Variants in AGPAT4 observed in about 807,000 individuals in gnomAD.
AGPAT4 encodes 1-acyl-sn-glycerol-3-phosphate acyltransferase delta.
AGPAT4 carries 15 observed loss-of-function variants against 48.0 expected under a neutral mutation model. The ratio of observed to expected loss-of-function variants is 0.31; its 90% CI spans 0.21 to 0.48. The LOEUF (loss-of-function observed/expected upper bound fraction) is 0.48. Among genes scored for constraint, AGPAT4 ranks in the 20% least tolerant of loss-of-function variants. AGPAT4 has a pLI of 0.99. For missense variants in AGPAT4, 314 were observed against 482.5 expected, an observed-to-expected ratio of 0.65 and a Z score of 3.27; for synonymous variants, 178 against 198.7, an observed-to-expected ratio of 0.90 and a Z score of 0.88.
rs148889876 is a variant in AGPAT4 at position 161,155,740 on chromosome 6, G to A, written c.349-1430C>T. Among the ~76,000 whole-genome samples the A allele has an allele frequency of 3.6e-3, 553 of 152,336 alleles. 2 individuals are homozygous for A. The highest frequency in any genetic ancestry group is 0.012 in the African/African-American group (517 of 41,582). Reference sequence around the variant, plus strand: ...TCCAGGGGACTCCGGGAACATCCCCGTGGGTGGGTGAACCCACTGGTGCGG... The same window carrying A: ...TCCAGGGGACTCCGGGAACATCCCCATGGGTGGGTGAACCCACTGGTGCGG... On this transcript the variant is annotated intron_variant, in intron 3 of 8. Coordinates refer to ENST00000320285, the MANE Select transcript of AGPAT4 (RefSeq NM_020133.3). This position sits in a 1 kb window ranked among gnomAD's most constrained non-coding sequence, Gnocchi z 5.8.
intron 2 of AGPAT4, among the ~76,000 whole-genome samples, chr6:161,173,267 A>G (rs1475562282): frequency 1.3e-5 from 2 of 152,222 alleles, no homozygotes; most frequent in African/African-American, 2.4e-5. Context: ...TCAACAGTGT[A>G]AAAGTGTTCC....
intron 2 of AGPAT4, among the ~76,000 whole-genome samples, chr6:161,207,594 C>T (rs955231940): frequency 2.6e-5 from 4 of 152,206 alleles, no homozygotes; most frequent in Admixed American, 2.0e-4. Flanking sequence ...CCAACAAGCT[C>T]CACTTCCAGT....
At position 161,261,672 on chromosome 6, in the gene AGPAT4, A is replaced by G. The variant is rs1400379641; in HGVS notation, c.-90+12266T>C. On this transcript the variant is annotated intron_variant, in intron 1 of 8. Transcript: ENST00000320285. This position sits in a 1 kb window ranked among gnomAD's most constrained non-coding sequence, Gnocchi z 5.3. ...GTAGTGTTTGTAAGCTACATTTGACATGGGACAAGTCAGTAATTGAGCTCT... is the reference window on the plus strand; with the variant it reads ...GTAGTGTTTGTAAGCTACATTTGACGTGGGACAAGTCAGTAATTGAGCTCT... Among the ~76,000 whole-genome samples the G allele has an allele frequency of 6.6e-6, 1 of 152,244 alleles. No homozygotes were observed. The highest frequency in any genetic ancestry group is 1.9e-4 in the East Asian group (1 of 5,198).
chr6:161,146,582 T>C lies in AGPAT4; in HGVS notation c.785A>G (p.Asp262Gly). The stretch of plus-strand genomic sequence containing the variant: ...GCACTCGTCATCGTCTTCAGGGATG[T>C]CTTCCAGTGGGATCCTCCTGCAAAG... Reference protein sequence around the residue: ...DLYVRRIPLEDIPEDDDECSA... With the variant: ...DLYVRRIPLEGIPEDDDECSA... Residue 262 changes from aspartate to glycine, a missense_variant, in exon 7 of 9, where the codon GAC becomes GGC. Asp to Gly is a moderately conservative substitution (Grantham distance 94). Coordinates refer to ENST00000320285, the MANE Select transcript of AGPAT4 (RefSeq NM_020133.3). This position sits in a 1 kb window ranked among gnomAD's most constrained non-coding sequence, Gnocchi z 7.1. The C allele has an allele frequency of 6.2e-7, 1 of 1,614,118 alleles. No homozygotes were observed. Among genetic ancestry groups the C allele is most frequent in the South Asian group, 1.1e-5 (1 of 91,082 alleles).
At chr6:161,263,364 A>G (rs1468048060) in intron 1 of AGPAT4, among the ~76,000 whole-genome samples, 1 of 152,092 alleles carries the variant, frequency 6.6e-6, no homozygotes, top group Admixed American at 6.6e-5. Context: ...GGTGGCGGGC[A>G]CCTGTAATCC....
At chr6:161,193,301 T>C (rs1306452354) in intron 2 of AGPAT4, among the ~76,000 whole-genome samples, 1 of 152,244 alleles carries the variant, frequency 6.6e-6, no homozygotes, top group Non-Finnish European at 1.5e-5. Flanking sequence ...ACGGTGAGCT[T>C]TTCAATCCAG....
chr6:161,151,337 G>A (rs993812067), intron 5 of AGPAT4, among the ~76,000 whole-genome samples: 5 of 152,244 alleles, frequency 3.3e-5, no homozygotes, highest in African/African-American at 4.8e-5. Flanking sequence ...TGCCAGACGC[G>A]CCCGAGACCG....
At chr6:161,247,482 T>C (rs942104945) in intron 1 of AGPAT4, among the ~76,000 whole-genome samples, 20 of 152,224 alleles carry the variant, frequency 1.3e-4, no homozygotes, top group African/African-American at 4.6e-4. Context: ...CTTTTTTTAT[T>C]TTTAAATATA....
intron 1 of AGPAT4, among the ~76,000 whole-genome samples, chr6:161,248,503 G>A (rs1482340957): frequency 3.3e-5 from 5 of 151,166 alleles, no homozygotes; most frequent in African/African-American, 4.9e-5. Context: ...GAACCTGGGA[G>A]GTGGAGCTTG....
chr6:161,177,446 CT>C lies in AGPAT4; in HGVS notation c.179-11030del, dbSNP rs1353946037. ...CACTTGATCGAATCGGCCACTGAAA[CT>C]TGTGCATGTGTCACGTAGTTCTCAA... On this transcript the variant is annotated intron_variant, in intron 2 of 8. Transcript: ENST00000320285. This position sits in a 1 kb window ranked among gnomAD's most constrained non-coding sequence, Gnocchi z 5.0. Among the ~76,000 whole-genome samples the C allele has an allele frequency of 3.9e-5, 6 of 152,222 alleles. No individual in the cohort carries two copies. In the South Asian group the frequency reaches 8.3e-4, roughly 21 times the overall value.
Position 161,200,644 on chromosome 6 carries a change from T to A in AGPAT4, c.178+31392A>T, listed in dbSNP as rs1298021548. 6.6e-6 allele frequency among the ~76,000 whole-genome samples: 1 copy of A among 152,196 alleles called. No homozygotes were observed. Among genetic ancestry groups the A allele is most frequent in the East Asian group, 1.9e-4 (1 of 5,196 alleles). ...CCTCTTCTTTTCTTCAATAATCATA[T>A]TTACTATGTTGACTAGGGACACCAT... On this transcript the variant is annotated intron_variant, in intron 2 of 8. Coordinates refer to ENST00000320285, the MANE Select transcript of AGPAT4 (RefSeq NM_020133.3). This position sits in a 1 kb window ranked among gnomAD's most constrained non-coding sequence, Gnocchi z 5.5.
Position 161,189,465 on chromosome 6 carries a change from C to G in AGPAT4, c.179-23048G>C, listed in dbSNP as rs993452205. On this transcript the variant is annotated intron_variant, in intron 2 of 8. Transcript: ENST00000320285. This position sits in a 1 kb window ranked among gnomAD's most constrained non-coding sequence, Gnocchi z 5.3. ...GTATTGTACACACACTGTAGCCACA[C>G]AGTGAGTGAGGCTCGTCACATGCGG... 6.6e-6 allele frequency among the ~76,000 whole-genome samples: 1 copy of G among 152,232 alleles called. No individual in the cohort carries two copies. The highest frequency in any genetic ancestry group is 6.5e-5 in the Admixed American group (1 of 15,278).
rs1439234601 is a variant in AGPAT4 at position 161,198,649 on chromosome 6, GCTGTGCCT to G, written c.179-32240_179-32233del. On this transcript the variant is annotated intron_variant, in intron 2 of 8. Coordinates refer to ENST00000320285, the MANE Select transcript of AGPAT4 (RefSeq NM_020133.3). This position sits in a 1 kb window ranked among gnomAD's most constrained non-coding sequence, Gnocchi z 4.3. Reference sequence around the variant, plus strand: ...AGACTTTGGACATGCTATTTAACCTGCTGTGCCTCGGTTTCCTCATCTGTCATGGTTGT... The same window carrying G: ...AGACTTTGGACATGCTATTTAACCTGCGGTTTCCTCATCTGTCATGGTTGT... Among the ~76,000 whole-genome samples the G allele has an allele frequency of 1.3e-5, 2 of 152,172 alleles. No individual in the cohort carries two copies. Among genetic ancestry groups the G allele is most frequent in the African/African-American group, 2.4e-5 (1 of 41,440 alleles).
chr6:161,169,850 T>C lies in AGPAT4; in HGVS notation c.179-3433A>G, dbSNP rs187671373. On this transcript the variant is annotated intron_variant, in intron 2 of 8. Transcript: ENST00000320285. The surrounding 1 kb of genome is among the most constrained non-coding windows in gnomAD (Gnocchi z 5.0). ...GGTTAGAGGGCACCACAAGAGACACTCTTGGGAGGTTTGCAAGGTGGAAAG... is the reference window on the plus strand; with the variant it reads ...GGTTAGAGGGCACCACAAGAGACACCCTTGGGAGGTTTGCAAGGTGGAAAG... 6.6e-6 allele frequency among the ~76,000 whole-genome samples: 1 copy of C among 152,284 alleles called. No individual in the cohort carries two copies. The highest frequency in any genetic ancestry group is 6.5e-5 in the Admixed American group (1 of 15,306).
chr6:161,176,520 G>C (rs1780433898), intron 2 of AGPAT4, among the ~76,000 whole-genome samples: 1 of 151,876 alleles, frequency 6.6e-6, no homozygotes, highest in African/African-American at 2.4e-5. Flanking sequence ...CCTTTATTTT[G>C]AGCCTATGTG....
At chr6:161,150,759 G>T (rs1779566582) in intron 5 of AGPAT4, among the ~76,000 whole-genome samples, 2 of 152,186 alleles carry the variant, frequency 1.3e-5, no homozygotes, top group Non-Finnish European at 2.9e-5. Context: ...AGAGAACCTG[G>T]ATGCTTATCA....
chr6:161,145,741 G>C (rs1005139837), intron 7 of AGPAT4, among the ~76,000 whole-genome samples: 1 of 151,648 alleles, frequency 6.6e-6, no homozygotes, highest in Admixed American at 6.6e-5. Flanking sequence ...ATGAGAGCCA[G>C]CCCGCATTTA....
rs565605700 is a variant in AGPAT4 at position 161,223,989 on chromosome 6, G to A, written c.178+8047C>T. Among the ~76,000 whole-genome samples the A allele has an allele frequency of 4.6e-5, 7 of 152,266 alleles. No homozygotes were observed. Among genetic ancestry groups the A allele is most frequent in the South Asian group, 2.1e-4 (1 of 4,824 alleles). ...AAGTGTTGTTCCTCTTAGCCTGCAC[G>A]GATCGTGATTCTTTTATTTTTCTCC... On this transcript the variant is annotated intron_variant, in intron 2 of 8. Coordinates refer to ENST00000320285, the MANE Select transcript of AGPAT4 (RefSeq NM_020133.3). This position sits in a 1 kb window ranked among gnomAD's most constrained non-coding sequence, Gnocchi z 6.3.
In AGPAT4 at chr6:161,272,001, G is replaced by A. The variant is rs1017835863; in HGVS notation, c.-90+1937C>T. Among the ~76,000 whole-genome samples the A allele has an allele frequency of 6.6e-6, 1 of 152,172 alleles. No individual in the cohort carries two copies. The highest frequency in any genetic ancestry group is 2.4e-5 in the African/African-American group (1 of 41,436). On this transcript the variant is annotated intron_variant, in intron 1 of 8. Transcript: ENST00000320285. This position sits in a 1 kb window ranked among gnomAD's most constrained non-coding sequence, Gnocchi z 4.2. The stretch of plus-strand genomic sequence containing the variant: ...TACTAACATGTGCTTTTCAAAATGA[G>A]TGTCATATTCTTTTTAGTAATACTT...
Sources: allele counts gnomAD v4.1 joint callset (sites outside exome capture counted in the v4.1 genomes callset), GRCh38; gene constraint gnomAD v4.1.1; non-coding constraint Gnocchi (gnomAD v3.1); transcripts MANE v1.5; gene names NCBI Gene and HGNC (gene_info 2026-07-23, HGNC 2026-07-21).